DNA2: variants seen among roughly 807,000 people sequenced by gnomAD.
The protein encoded by DNA2 is DNA replication helicase/nuclease 2.
DNA2 carries 101 observed loss-of-function variants against 119.1 expected under a neutral mutation model. The observed-to-expected ratio is 0.85, with a 90% CI of 0.72 to 1.00. The LOEUF (loss-of-function observed/expected upper bound fraction) is 1.00. Ranked by LOEUF, DNA2 falls within the 50% of genes least tolerant of loss-of-function variation. The pLI is 0.00. For synonymous variants in DNA2, 366 were observed against 424.4 expected (o/e 0.86, Z 1.69); for missense variants, 1,121 against 1,255.5 (o/e 0.89, Z 1.62).
intron 11 of DNA2, 36 bp downstream of exon 11, chr10:68,432,358 G>C: frequency 1.3e-6 from 2 of 1,562,042 alleles, no homozygotes; most frequent in Non-Finnish European, 1.7e-6. Flanking sequence ...CCTTAGAAAA[G>C]TGGAGTGAAA....
At chr10:68,429,257 A>AAAG (rs2051783603) in intron 14 of DNA2, among the ~76,000 whole-genome samples, 1 of 151,590 alleles carries the variant, frequency 6.6e-6, no homozygotes, top group Non-Finnish European at 1.5e-5. Flanking sequence ...AAAAAAAAAA[A>AAAG]AAAAAAGCCG....
At chr10:68,452,934 T>C (rs1299894465) in intron 5 of DNA2, among the ~76,000 whole-genome samples, 3 of 149,840 alleles carry the variant, frequency 2.0e-5, no homozygotes. Context: ...GGAATCTCGC[T>C]CTGTCGCAGA....
chr10:68,423,924 A>C (rs986244651), intron 14 of DNA2, among the ~76,000 whole-genome samples: 4 of 152,228 alleles, frequency 2.6e-5, no homozygotes, highest in African/African-American at 9.7e-5. Flanking sequence ...AGCCAGCTAA[A>C]ACAGAAGTTT....
chr10:68,429,636 C>A (rs2051789958), intron 14 of DNA2, among the ~76,000 whole-genome samples: 2 of 133,970 alleles, frequency 1.5e-5, no homozygotes, highest in African/African-American at 2.8e-5. Flanking sequence ...GGTGTGAACC[C>A]AGGAGGCGAA....
At chr10:68,450,327 C>G (rs1030751287) in intron 5 of DNA2, 80 bp from the exon 6 acceptor site, 3 of 1,086,210 alleles carry the variant, frequency 2.8e-6, no homozygotes, top group South Asian at 2.9e-5. Flanking sequence ...CTGCCTATTA[C>G]ACACAGAGAA....
chr10:68,468,236 T>C lies in DNA2; in HGVS notation c.328A>G (p.Ile110Val). The C allele has an allele frequency of 6.2e-7, 1 of 1,612,288 alleles. No homozygotes were observed. Among genetic ancestry groups the C allele is most frequent in the Non-Finnish European group, 8.5e-7 (1 of 1,179,270 alleles). ...EGDCTSDTWIIDKDFGYLILY... is the reference protein window; with the variant it reads ...EGDCTSDTWIVDKDFGYLILY... Reference sequence around the variant, plus strand: ...ATCAAATATCCAAAATCTTTATCTATTATCCAAGTGTCAGATGTGCAGTCT... The same window carrying C: ...ATCAAATATCCAAAATCTTTATCTACTATCCAAGTGTCAGATGTGCAGTCT... Residue 110 changes from isoleucine to valine, a missense_variant, in exon 3 of 21, where the codon ATA becomes GTA. Physicochemically the swap from Ile to Val is conservative, Grantham distance 29 (BLOSUM62 3). Transcript: ENST00000358410.
At chr10:68,439,666 C>T (rs929514430) in intron 9 of DNA2, among the ~76,000 whole-genome samples, 2 of 151,892 alleles carry the variant, frequency 1.3e-5, no homozygotes, top group East Asian at 1.9e-4. Flanking sequence ...GGAGAAACCC[C>T]GTCTCTACTA....
intron 4 of DNA2, among the ~76,000 whole-genome samples, chr10:68,463,417 C>A (rs1360392018): frequency 5.9e-5 from 8 of 134,458 alleles, no homozygotes; most frequent in Non-Finnish European, 1.2e-4. Flanking sequence ...GCACTCCAGC[C>A]TGGGGGACAG....
chr10:68,454,796 G>T (rs1463823225), intron 5 of DNA2, among the ~76,000 whole-genome samples: 1 of 151,252 alleles, frequency 6.6e-6, no homozygotes. Context: ...ACAGAGCAAG[G>T]CTCCATCTCA....
intron 5 of DNA2, among the ~76,000 whole-genome samples, chr10:68,454,025 T>G (rs2052153425): frequency 6.6e-6 from 1 of 152,222 alleles, no homozygotes; most frequent in Non-Finnish European, 1.5e-5. Flanking sequence ...GTGATGCCCT[T>G]CTTCCAGGAT....
At chr10:68,462,877 C>T (rs2052277149) in intron 4 of DNA2, among the ~76,000 whole-genome samples, 1 of 152,146 alleles carries the variant, frequency 6.6e-6, no homozygotes, top group African/African-American at 2.4e-5. Context: ...ACCTATAATC[C>T]CAGCACTTTG....
Position 68,470,183 on chromosome 10 carries a change from A to C in DNA2, c.75-20T>G. On this transcript the variant is annotated intron_variant, in intron 1 of 20. Coordinates refer to ENST00000358410, the MANE Select transcript of DNA2 (RefSeq NM_001080449.3). ...TGAAATCTAAAGCACACACATACAA[A>C]ACTATTTTAGCACAACCATGAAATA... The C allele has an allele frequency of 6.4e-7, 1 of 1,567,900 alleles. No individual in the cohort carries two copies. Among genetic ancestry groups the C allele is most frequent in the South Asian group, 1.2e-5 (1 of 82,978 alleles).
At chr10:68,417,627 TG>T (rs2051609023) in intron 19 of DNA2, among the ~76,000 whole-genome samples, 1 of 138,432 alleles carries the variant, frequency 7.2e-6, no homozygotes, top group Non-Finnish European at 1.5e-5. Context: ...CACTCCAGTC[TG>T]GGTAACAGAG....
At chr10:68,462,020 C>T (rs1419518362) in intron 4 of DNA2, among the ~76,000 whole-genome samples, 1 of 151,860 alleles carries the variant, frequency 6.6e-6, no homozygotes, top group Admixed American at 6.6e-5. Flanking sequence ...CATTTTTTTA[C>T]AATAGTTTTT....
intron 6 of DNA2, among the ~76,000 whole-genome samples, chr10:68,447,346 T>C (rs1234564511): frequency 2.6e-5 from 4 of 151,310 alleles, no homozygotes. Context: ...AGTGAAACCC[T>C]GTCTCTACTA....
chr10:68,430,218 T>C (rs762286995), intron 14 of DNA2, among the ~76,000 whole-genome samples: 2 of 152,014 alleles, frequency 1.3e-5, no homozygotes. Context: ...CCTAGGATAT[T>C]TGAAACTAGA....
intron 19 of DNA2, among the ~76,000 whole-genome samples, chr10:68,417,189 C>G (rs1328667454): frequency 6.8e-6 from 1 of 147,858 alleles, no homozygotes; most frequent in African/African-American, 2.5e-5. Flanking sequence ...GCCCAGAAGT[C>G]AAGGATGCAG....
chr10:68,443,579 A>C (rs2051998670), intron 8 of DNA2, among the ~76,000 whole-genome samples: 1 of 152,236 alleles, frequency 6.6e-6, no homozygotes, highest in East Asian at 1.9e-4. Flanking sequence ...ATAAGATTTC[A>C]AAGAAATATG....
intron 3 of DNA2, among the ~76,000 whole-genome samples, chr10:68,467,665 C>T (rs542141124): frequency 1.3e-5 from 2 of 152,140 alleles, no homozygotes; most frequent in Non-Finnish European, 2.9e-5. Flanking sequence ...ATTCTCCTGC[C>T]TCAGCCTCCT....
Sources: allele counts gnomAD v4.1 joint callset (sites outside exome capture counted in the v4.1 genomes callset), GRCh38; gene constraint gnomAD v4.1.1; transcripts MANE v1.5; gene names NCBI Gene and HGNC (gene_info 2026-07-23, HGNC 2026-07-21).